Variants in PPIG observed in about 807,000 individuals in gnomAD.
The protein encoded by PPIG is peptidylprolyl isomerase G.
PPIG carries 26 observed loss-of-function variants against 87.9 expected under a neutral mutation model. The observed-to-expected ratio is 0.30, with a 90% confidence interval of 0.22 to 0.41. PPIG has a LOEUF of 0.41. PPIG is among the 10% of genes least tolerant of loss of function. The pLI is 1.00. For missense variants in PPIG, 722 were observed against 879.4 expected, an observed-to-expected ratio of 0.82 and a Z score of 2.26; for synonymous variants, 308 against 276.5, an observed-to-expected ratio of 1.11 and a Z score of -1.13.
rs1327466516 is a variant in PPIG at position 169,639,320 on chromosome 2, C to G, written c.*1797C>G. Reference sequence around the variant, plus strand: ...GTAGTTTAAGCAAGTTATTGTTTGTCTTAATTTCAGTTAACTGCATTTTAA... The same window carrying G: ...GTAGTTTAAGCAAGTTATTGTTTGTGTTAATTTCAGTTAACTGCATTTTAA... On this transcript the variant is annotated 3_prime_UTR_variant, in exon 14 of 14. Transcript: ENST00000260970. 1 of 151,978 alleles carries G rather than the reference C, an allele frequency of 6.6e-6. No homozygotes were observed. Among genetic ancestry groups the G allele is most frequent in the African/African-American group, 2.4e-5 (1 of 41,412 alleles). The allele number at this position is 151,978 out of a possible 1,614,324, so 9.4% of individuals were successfully genotyped here.
At chr2:169,599,330 T>A (rs1183181256) in intron 1 of PPIG, among the ~76,000 whole-genome samples, 1 of 152,198 alleles carries the variant, frequency 6.6e-6, no homozygotes, top group Non-Finnish European at 1.5e-5. Flanking sequence ...TACTGTACAA[T>A]TATCTTTTTT....
intron 1 of PPIG, among the ~76,000 whole-genome samples, chr2:169,596,902 A>G (rs1685035156): frequency 1.3e-5 from 2 of 152,092 alleles, no homozygotes; most frequent in East Asian, 1.9e-4. Context: ...GGATTTCACC[A>G]TGTTGGCCAG....
chr2:169,595,468 G>A (rs931452685), intron 1 of PPIG, among the ~76,000 whole-genome samples: 1 of 151,834 alleles, frequency 6.6e-6, no homozygotes, highest in Non-Finnish European at 1.5e-5. Context: ...TTTGAGTATC[G>A]TTAGTCACCC....
At chr2:169,591,621 A>G (rs1376746602) in intron 1 of PPIG, among the ~76,000 whole-genome samples, 1 of 152,142 alleles carries the variant, frequency 6.6e-6, no homozygotes, top group Non-Finnish European at 1.5e-5. Flanking sequence ...GAAGGAGTCA[A>G]GCAGGTGAGG....
At chr2:169,628,029 TAGA>T (rs1685939525) in intron 9 of PPIG, among the ~76,000 whole-genome samples, 1 of 152,122 alleles carries the variant, frequency 6.6e-6, no homozygotes, top group Admixed American at 6.6e-5. Context: ...CATATATAAG[TAGA>T]TTTTTCAGGT....
At chr2:169,633,063 AC>A in intron 11 of PPIG, 96 bp from the exon 12 acceptor site, 1 of 908,446 alleles carries the variant, frequency 1.1e-6, no homozygotes, top group East Asian at 2.5e-5. Flanking sequence ...GGCATGAGCC[AC>A]CGCACCCGGC....
intron 1 of PPIG, among the ~76,000 whole-genome samples, chr2:169,592,309 T>TC (rs1021212100): frequency 4.4e-5 from 6 of 135,590 alleles, no homozygotes; most frequent in African/African-American, 1.7e-4. Flanking sequence ...TTTTCTTTTT[T>TC]TTTTTTTTTT....
chr2:169,611,823 G>C (rs188400578), intron 7 of PPIG, among the ~76,000 whole-genome samples: 31 of 151,890 alleles, frequency 2.0e-4, no homozygotes, highest in African/African-American at 7.5e-4. Flanking sequence ...TATTTCGTAG[G>C]TAACCCTTCT....
At chr2:169,618,544 C>T (rs1179854904) in intron 9 of PPIG, among the ~76,000 whole-genome samples, 2 of 152,106 alleles carry the variant, frequency 1.3e-5, no homozygotes, top group African/African-American at 4.8e-5. Context: ...TGTTATTGGT[C>T]TATTCAGGGA....
intron 12 of PPIG, among the ~76,000 whole-genome samples, chr2:169,634,323 A>G (rs923711063): frequency 1.3e-5 from 2 of 152,010 alleles, no homozygotes; most frequent in African/African-American, 4.8e-5. Context: ...CAGCCTCCCA[A>G]AGTCCTAGAA....
chr2:169,624,207 CCT>C (rs1685826863), intron 9 of PPIG, among the ~76,000 whole-genome samples: 1 of 152,106 alleles, frequency 6.6e-6, no homozygotes, highest in African/African-American at 2.4e-5. Context: ...TTCAAGCGAT[CCT>C]TCTAACTTGA....
intron 9 of PPIG, among the ~76,000 whole-genome samples, chr2:169,625,111 T>C (rs1377752287): frequency 6.6e-6 from 1 of 152,206 alleles, no homozygotes; most frequent in Non-Finnish European, 1.5e-5. Flanking sequence ...TGAAATTTAT[T>C]ATCTCAGGAA....
At chr2:169,628,804 G>A (rs904617841) in intron 9 of PPIG, among the ~76,000 whole-genome samples, 2 of 151,772 alleles carry the variant, frequency 1.3e-5, no homozygotes, top group Non-Finnish European at 2.9e-5. Flanking sequence ...AAATTAGCAG[G>A]GCATGGTGGC....
Position 169,595,539 on chromosome 2 carries a change from C to T in PPIG, c.-69-8103C>T, listed in dbSNP as rs74984414. On this transcript the variant is annotated intron_variant, in intron 1 of 13. Transcript: ENST00000260970. ...TAACTATTTTTTTGCACCCATTAAC[C>T]ATCCTCACTTCCAGTCCCCATTACC... Among the ~76,000 whole-genome samples the T allele has an allele frequency of 0.015, 2,307 of 152,150 alleles. 124 individuals are homozygous for T. In the East Asian group the frequency reaches 0.2, roughly 13 times the overall value.
At chr2:169,609,865 C>T (rs1457507048) in intron 7 of PPIG, among the ~76,000 whole-genome samples, 1 of 152,150 alleles carries the variant, frequency 6.6e-6, no homozygotes, top group African/African-American at 2.4e-5. Flanking sequence ...TAGATGTTTA[C>T]AGAGTATTTC....
intron 9 of PPIG, among the ~76,000 whole-genome samples, chr2:169,624,182 G>T (rs1018122206): frequency 2.0e-5 from 3 of 152,174 alleles, no homozygotes; most frequent in African/African-American, 4.8e-5. Context: ...GCCCAGGCAG[G>T]TCTCAAATTC....
chr2:169,625,719 C>T (rs538647885), intron 9 of PPIG, among the ~76,000 whole-genome samples: 2 of 151,646 alleles, frequency 1.3e-5, no homozygotes, highest in South Asian at 2.1e-4. Context: ...GGAGAACTTC[C>T]TTTAACCAAT....
chr2:169,607,126 T>G lies in PPIG; in HGVS notation c.267T>G (p.Ser89=). 6.4e-7 allele frequency: 1 copy of G among 1,566,662 alleles called. No homozygotes were observed. The highest frequency in any genetic ancestry group is 8.8e-7 in the Non-Finnish European group (1 of 1,142,156). ...TAGGAAATGGACGAGGAGGGGAATC[T>G]ATCTATGGAGGATTTTTTGAAGGTA... is the stretch of plus-strand genomic sequence containing the variant. ...FSEGNGRGGE[S]IYGGFFEDES... is the part of the protein sequence containing the mutation. Residue 89 remains serine, a synonymous_variant, in exon 6 of 14, where the codon TCT becomes TCG. Transcript: ENST00000260970.
rs771488937 is a variant in PPIG, at chr2:169,604,227, C to T, written c.102C>T (p.Pro34=). The T allele has an allele frequency of 6.2e-7, 1 of 1,611,598 alleles. No homozygotes were observed. The change falls in exon 4 of 14, where the codon CCC becomes CCT. Residue 34 remains proline, a synonymous_variant. Coordinates refer to ENST00000260970, the MANE Select transcript of PPIG (RefSeq NM_004792.3). ...TTGAATTATTTTCTGATGTGTGCCC[C>T]AAAACATGCGAGAACTTTCGTTGTC... The part of the protein sequence containing the change: ...VVFELFSDVC[P]KTCENFRCLC...
Sources: gnomAD v4.1 joint callset for allele counts (sites outside exome capture counted in the v4.1 genomes callset) on GRCh38, gnomAD v4.1.1 for gene constraint, MANE v1.5 for transcripts, NCBI Gene and HGNC (gene_info 2026-07-23, HGNC 2026-07-21) for gene names.